PEX5L: variants seen among roughly 807,000 people sequenced by gnomAD.
PEX5L encodes peroxisomal biogenesis factor 5 like, also known as PEX5-related protein.
In PEX5L, 30 loss-of-function variants were observed where a neutral mutation model predicts 84.0. The observed-to-expected ratio is 0.36, with a 90% CI of 0.27 to 0.48. The LOEUF (loss-of-function observed/expected upper bound fraction) is 0.48. Among genes scored for constraint, PEX5L ranks in the 20% least tolerant of loss-of-function variants. The pLI is 0.99. For synonymous variants in PEX5L, 270 were observed against 283.1 expected, an observed-to-expected ratio of 0.95 and a Z score of 0.46; for missense variants, 533 against 754.6, an observed-to-expected ratio of 0.71 and a Z score of 3.44.
intron 3 of PEX5L, among the ~76,000 whole-genome samples, chr3:179,894,180 G>C (rs1275313469): frequency 6.6e-6 from 1 of 152,054 alleles, no homozygotes; most frequent in African/African-American, 2.4e-5. Flanking sequence ...TTTATTCGGT[G>C]TCTGTCAATA....
intron 1 of PEX5L, among the ~76,000 whole-genome samples, chr3:180,002,027 A>G (rs9882951): frequency 0.017 from 2,590 of 152,278 alleles, 83 homozygotes; most frequent in African/African-American, 0.059. Context: ...TCTCTCAACT[A>G]TACTTCAAGA....
chr3:179,966,021 T>G (rs1477428791), intron 2 of PEX5L, among the ~76,000 whole-genome samples: 1 of 152,208 alleles, frequency 6.6e-6, no homozygotes, highest in African/African-American at 2.4e-5. Flanking sequence ...CTTTGTTTAC[T>G]CCAATGCTGA....
rs200434344 is a variant in PEX5L at position 179,807,745 on chromosome 3, C to T, written c.1605G>A (p.Leu535=). ...EEAVEAYTRA[L]EIQPGFIRSR... ...ACCGGATGAATCCTGGCTGAATCTC[C>T]AGTGCTCGCGTATAGGCCTCCACGG... Residue 535 remains leucine, a synonymous_variant, in exon 14 of 15, where the codon CTG becomes CTA. Transcript: ENST00000467460. The T allele has an allele frequency of 6.2e-6, 10 of 1,614,052 alleles. No homozygotes were observed. The highest frequency in any genetic ancestry group is 5.0e-5 in the Admixed American group (3 of 60,004).
intron 2 of PEX5L, among the ~76,000 whole-genome samples, chr3:179,899,617 C>G (rs1760622924): frequency 6.6e-6 from 1 of 152,156 alleles, no homozygotes; most frequent in African/African-American, 2.4e-5. Context: ...TCCATTTTCT[C>G]AGGCACTGAC....
At chr3:179,988,962 A>C (rs1431738007) in intron 1 of PEX5L, among the ~76,000 whole-genome samples, 1 of 152,238 alleles carries the variant, frequency 6.6e-6, no homozygotes, top group Non-Finnish European at 1.5e-5. Flanking sequence ...TTATCAAGAT[A>C]AAACTTCAAA....
intron 7 of PEX5L, 21 bp from the exon 8 acceptor site, chr3:179,859,178 A>T (rs1745117375): frequency 1.3e-6 from 2 of 1,528,290 alleles, no homozygotes; most frequent in Non-Finnish European, 1.8e-6. Context: ...TCATACACAT[A>T]GTGTTATAAT....
chr3:179,822,543 A>G (rs901519921), intron 8 of PEX5L, among the ~76,000 whole-genome samples: 3 of 152,232 alleles, frequency 2.0e-5, no homozygotes, highest in Non-Finnish European at 4.4e-5. Context: ...AGTATAATCA[A>G]TTTTCATCCT....
intron 1 of PEX5L, among the ~76,000 whole-genome samples, chr3:180,021,845 C>T (rs1790454852): frequency 6.6e-6 from 1 of 152,172 alleles, no homozygotes. Context: ...GTTACTTTAA[C>T]ATTTCTTTAT....
chr3:180,030,695 A>C (rs888286032), intron 1 of PEX5L, among the ~76,000 whole-genome samples: 2 of 152,136 alleles, frequency 1.3e-5, no homozygotes, highest in Non-Finnish European at 2.9e-5. Flanking sequence ...CATCACAACA[A>C]CACCGTTCTT....
chr3:179,954,218 A>G lies in PEX5L; in HGVS notation c.93+17376T>C, dbSNP rs964715793. On this transcript the variant is annotated intron_variant, in intron 2 of 14. Transcript: ENST00000467460. Reference sequence around the variant, plus strand: ...TAACCATTAGTCGGGGGGGGGGGAAAAAGTCAGCCATGAGTAAAAGGGCTT... The same window carrying G: ...TAACCATTAGTCGGGGGGGGGGGAAGAAGTCAGCCATGAGTAAAAGGGCTT... Among the ~76,000 whole-genome samples the G allele has an allele frequency of 9.9e-3, 1,087 of 109,800 alleles. 26 individuals are homozygous for G. The highest frequency in any genetic ancestry group is 0.033 in the African/African-American group (1,048 of 31,860). 72.0% of individuals were successfully genotyped at this position (109,800 alleles called of 152,430 possible).
chr3:179,850,258 C>A (rs760307900), intron 8 of PEX5L, among the ~76,000 whole-genome samples: 1 of 151,948 alleles, frequency 6.6e-6, no homozygotes, highest in African/African-American at 2.4e-5. Flanking sequence ...TCCCAGGTAG[C>A]TGGGATTACA....
chr3:179,915,585 T>C (rs984936077), intron 2 of PEX5L, among the ~76,000 whole-genome samples: 1 of 152,206 alleles, frequency 6.6e-6, no homozygotes, highest in Non-Finnish European at 1.5e-5. Context: ...AGAGTGCTTA[T>C]GTGTTCTGCC....
At chr3:179,849,976 T>C (rs935308257) in intron 8 of PEX5L, among the ~76,000 whole-genome samples, 1 of 152,198 alleles carries the variant, frequency 6.6e-6, no homozygotes, top group Admixed American at 6.5e-5. Flanking sequence ...TTTATTACTT[T>C]AGGATTTATA....
intron 1 of PEX5L, among the ~76,000 whole-genome samples, chr3:180,025,896 T>G (rs567595595): frequency 6.6e-6 from 1 of 152,338 alleles, no homozygotes; most frequent in South Asian, 2.1e-4. Context: ...CTAGTCCTTA[T>G]GAAGTCATCA....
intron 8 of PEX5L, 100 bp from the exon 9 acceptor site, chr3:179,820,076 G>T: frequency 6.5e-7 from 1 of 1,544,554 alleles, no homozygotes; most frequent in South Asian, 1.2e-5. Flanking sequence ...TTCTGGGGAG[G>T]AATAAAATGG....
chr3:179,875,318 C>T (rs181882579), intron 6 of PEX5L, 36 bp downstream of exon 6: 187 of 1,609,074 alleles, frequency 1.2e-4, no homozygotes, highest in Non-Finnish European at 1.5e-4. Context: ...AAAGTTGATA[C>T]ATAAATGGCC....
intron 13 of PEX5L, among the ~76,000 whole-genome samples, 188 bp from the exon 14 acceptor site, chr3:179,808,019 T>C (rs6800017): frequency 0.83 from 126,149 of 152,234 alleles, 52,522 homozygotes; most frequent in East Asian, 0.91. Flanking sequence ...CACTCGTCAA[T>C]GAACAGCTAC....
At chr3:180,007,199 C>A (rs139736190) in intron 1 of PEX5L, among the ~76,000 whole-genome samples, 1 of 152,146 alleles carries the variant, frequency 6.6e-6, no homozygotes, top group South Asian at 2.1e-4. Context: ...CCAAAACGAA[C>A]GGGTAACAGG....
At chr3:179,929,911 A>C (rs772383346) in intron 2 of PEX5L, among the ~76,000 whole-genome samples, 9 of 152,170 alleles carry the variant, frequency 5.9e-5, no homozygotes, top group Non-Finnish European at 1.3e-4. Flanking sequence ...TGGGGCTAAA[A>C]CCACGGGCTT....
Sources: allele counts gnomAD v4.1 joint callset (sites outside exome capture counted in the v4.1 genomes callset), GRCh38; gene constraint gnomAD v4.1.1; transcripts MANE v1.5; gene names NCBI Gene and HGNC (gene_info 2026-07-23, HGNC 2026-07-21).